The following WDR59 variants were observed in gnomAD, a reference collection of about 807,000 sequenced individuals.
WDR59 encodes the protein GATOR2 complex protein WDR59.
In WDR59, 100 loss-of-function variants were observed where a neutral mutation model predicts 131.2. That is an observed-to-expected ratio of 0.76 (90% CI 0.65 to 0.90). The LOEUF (loss-of-function observed/expected upper bound fraction) is 0.90. WDR59 is among the 40% of genes least tolerant of loss of function. The pLI is 0.00. For missense variants in WDR59, 1,203 were observed against 1,262.2 expected (o/e 0.95, Z 0.71); for synonymous variants, 601 against 466.2 (o/e 1.29, Z -3.72).
chr16:74,912,453 G>A, intron 13 of WDR59, 91 bp from the exon 14 acceptor site: 2 of 1,316,374 alleles, frequency 1.5e-6, no homozygotes, highest in Non-Finnish European at 2.1e-6. Flanking sequence ...CATGTTCCTG[G>A]TAATTGAATG....
At chr16:74,889,665 A>G (rs777147215) in intron 21 of WDR59, 38 bp downstream of exon 21, 5 of 1,539,900 alleles carry the variant, frequency 3.2e-6, no homozygotes, top group Non-Finnish European at 2.7e-6. Context: ...AAAAATGGAC[A>G]TCACTCATTT....
At chr16:74,915,752 A>T (rs1367352155) in intron 13 of WDR59, 118 bp downstream of exon 13, 3 of 1,470,616 alleles carry the variant, frequency 2.0e-6, no homozygotes, top group Non-Finnish European at 2.8e-6. Flanking sequence ...AAAAGCAAGC[A>T]GAGAGAGTTC....
chr16:74,929,166 C>T (rs2031150560), intron 8 of WDR59, among the ~76,000 whole-genome samples: 1 of 152,150 alleles, frequency 6.6e-6, no homozygotes. Context: ...GCTCGTCCTC[C>T]CGGGTTCATG....
chr16:74,934,494 A>G (rs2031643659), intron 8 of WDR59, among the ~76,000 whole-genome samples: 1 of 152,196 alleles, frequency 6.6e-6, no homozygotes, highest in Non-Finnish European at 1.5e-5. Context: ...ATTATATGTC[A>G]TTTGCAAACA....
At chr16:74,916,350 G>C (rs1966385172) in intron 11 of WDR59, 91 bp from the exon 12 acceptor site, 2 of 1,537,618 alleles carry the variant, frequency 1.3e-6, no homozygotes, top group Non-Finnish European at 1.8e-6. Flanking sequence ...AAAATGGGAA[G>C]GGCAAAGGAT....
In WDR59 at chr16:74,899,736, G is replaced by A. The variant is rs545052512; in HGVS notation, c.1866+4211C>T. 39 of 1,289,106 alleles carry A rather than the reference G, an allele frequency of 3.0e-5. No individual in the cohort carries two copies. The South Asian group carries it at 3.6e-4, about 12-fold the overall frequency. The allele number at this position is 1,289,106 out of a possible 1,614,324, so 79.9% of individuals were successfully genotyped here. ...ATTGCTTGTATGGACCAACGCCGCC[G>A]GGCAGAGCGAGGAGACATCTGTGCA... On this transcript the variant is annotated intron_variant, in intron 18 of 25. Coordinates refer to ENST00000262144, the MANE Select transcript of WDR59 (RefSeq NM_030581.4).
intron 3 of WDR59, 85 bp from the exon 4 acceptor site, chr16:74,951,628 G>T: frequency 8.5e-7 from 1 of 1,173,816 alleles, no homozygotes; most frequent in Non-Finnish European, 1.2e-6. Flanking sequence ...TGAAGAGGAA[G>T]CCAGGGATCT....
intron 1 of WDR59, among the ~76,000 whole-genome samples, chr16:74,981,947 C>T (rs1354400688): frequency 9.5e-5 from 12 of 126,768 alleles, no homozygotes; most frequent in Non-Finnish European, 2.0e-4. Context: ...TGAGCCACCA[C>T]GCCTGGCCAT....
intron 1 of WDR59, among the ~76,000 whole-genome samples, chr16:74,982,871 G>T (rs981905596): frequency 1.3e-5 from 2 of 152,136 alleles, no homozygotes; most frequent in Non-Finnish European, 2.9e-5. Context: ...AAGACAGGAT[G>T]GGGTTTTGGA....
chr16:74,883,468 A>G (rs1303306361), intron 25 of WDR59, among the ~76,000 whole-genome samples: 1 of 152,142 alleles, frequency 6.6e-6, no homozygotes, highest in East Asian at 1.9e-4. Context: ...TAAGCTACCC[A>G]CTTCCCAGAT....
intron 8 of WDR59, among the ~76,000 whole-genome samples, chr16:74,936,623 C>G (rs1356354214): frequency 1.3e-5 from 2 of 151,938 alleles, no homozygotes; most frequent in Admixed American, 6.6e-5. Flanking sequence ...GTTAGGAGTT[C>G]GAGACCATCC....
intron 18 of WDR59, among the ~76,000 whole-genome samples, chr16:74,894,478 G>A (rs957472017): frequency 1.3e-5 from 2 of 152,172 alleles, no homozygotes; most frequent in African/African-American, 4.8e-5. Flanking sequence ...ACATGTGTGA[G>A]GAGCCTGTAT....
chr16:74,910,433 A>T (rs1966031602), intron 14 of WDR59, among the ~76,000 whole-genome samples: 1 of 152,138 alleles, frequency 6.6e-6, no homozygotes, highest in East Asian at 1.9e-4. Context: ...CTCTTTCCTT[A>T]ATCAAGGCAG....
At chr16:74,929,914 G>C (rs2031226630) in intron 8 of WDR59, among the ~76,000 whole-genome samples, 1 of 152,180 alleles carries the variant, frequency 6.6e-6, no homozygotes. Flanking sequence ...TATGTTCAGT[G>C]AAACAAGCCA....
chr16:74,974,188 AATTG>A lies in WDR59; in HGVS notation c.55-8370_55-8367del, dbSNP rs375085329. ...CATCTCAAAAACAAAGAAAAAAATC[AATTG>A]ATTAATTAAATTTAATTAAATGGAA... On this transcript the variant is annotated intron_variant, in intron 1 of 25. Coordinates refer to ENST00000262144, the MANE Select transcript of WDR59 (RefSeq NM_030581.4). 1.5e-4 allele frequency among the ~76,000 whole-genome samples: 23 copies of A among 152,210 alleles called. 3 individuals carry two copies. The highest frequency in any genetic ancestry group is 1.0e-3 in the South Asian group (5 of 4,816).
chr16:74,957,206 G>A (rs1393491508), intron 2 of WDR59, among the ~76,000 whole-genome samples: 1 of 150,992 alleles, frequency 6.6e-6, no homozygotes, highest in Non-Finnish European at 1.5e-5. Flanking sequence ...TCAGCCTTCC[G>A]GGTAGCTGGG....
intron 18 of WDR59, chr16:74,899,591 T>A: frequency 5.4e-6 from 5 of 926,844 alleles, no homozygotes; most frequent in Non-Finnish European, 6.0e-6. Flanking sequence ...TGAAAACAGC[T>A]CGCCTGTCAT....
intron 1 of WDR59, among the ~76,000 whole-genome samples, chr16:74,973,512 C>T (rs949340713): frequency 2.0e-5 from 3 of 151,974 alleles, no homozygotes; most frequent in African/African-American, 7.3e-5. Context: ...GTCTCGAACC[C>T]CTGGGCTCAA....
At position 74,951,447 on chromosome 16, in the gene WDR59, C is replaced by CTGG; in HGVS notation, c.326+8_326+10dup. Reference sequence around the variant, plus strand: ...AAGACAGCCAAAGAGCTGTGGAGGGCTGGTGCCTACCTGATGACACGAGTG... The same window carrying CTGG: ...AAGACAGCCAAAGAGCTGTGGAGGGCTGGTGGTGCCTACCTGATGACACGAGTG... On this transcript the variant is annotated intron_variant, in intron 4 of 25. Transcript: ENST00000262144. 1 of 1,588,402 alleles carries CTGG rather than the reference C, an allele frequency of 6.3e-7. No homozygotes were observed. The highest frequency in any genetic ancestry group is 8.6e-7 in the Non-Finnish European group (1 of 1,167,264).
Sources: gnomAD v4.1 joint callset for allele counts (sites outside exome capture counted in the v4.1 genomes callset) on GRCh38, gnomAD v4.1.1 for gene constraint, MANE v1.5 for transcripts, NCBI Gene and HGNC (gene_info 2026-07-23, HGNC 2026-07-21) for gene names.